SNX25: variants seen among roughly 807,000 people sequenced by gnomAD.
SNX25 encodes the protein sorting nexin-25.
A neutral mutation model predicts 113.7 loss-of-function variants in SNX25; 62 were observed. The observed-to-expected ratio is 0.55, with a 90% confidence interval of 0.44 to 0.67. SNX25 has a LOEUF of 0.67. Among genes scored for constraint, SNX25 ranks in the 30% least tolerant of loss-of-function variants. The pLI is 0.00. For synonymous variants in SNX25, 421 were observed against 436.2 expected (o/e 0.97, Z 0.43); for missense variants, 1,014 against 1,161.0 (o/e 0.87, Z 1.84).
intron 9 of SNX25, among the ~76,000 whole-genome samples, chr4:185,325,460 G>A (rs763534540): frequency 1.4e-5 from 2 of 147,744 alleles, no homozygotes; most frequent in African/African-American, 2.5e-5. Flanking sequence ...TTGAACCCGC[G>A]AGGCAGAGGT....
At chr4:185,288,638 G>A (rs765109524) in intron 6 of SNX25, among the ~76,000 whole-genome samples, 5 of 151,152 alleles carry the variant, frequency 3.3e-5, no homozygotes, top group Non-Finnish European at 5.9e-5. Flanking sequence ...TATATATATT[G>A]CTCTATCTTT....
At chr4:185,221,363 T>C (rs1739815709) in intron 1 of SNX25, among the ~76,000 whole-genome samples, 2 of 152,010 alleles carry the variant, frequency 1.3e-5, no homozygotes, top group African/African-American at 4.8e-5. Flanking sequence ...TTTCTAGAGA[T>C]GGAGTCTCTC....
At chr4:185,299,405 C>T (rs1252976783) in intron 6 of SNX25, among the ~76,000 whole-genome samples, 1 of 152,176 alleles carries the variant, frequency 6.6e-6, no homozygotes, top group East Asian at 1.9e-4. Flanking sequence ...AGCTATGGTG[C>T]ACGTCAGCCT....
intron 2 of SNX25, 139 bp downstream of exon 2, chr4:185,247,517 G>A (rs1745031505): frequency 7.2e-6 from 5 of 695,878 alleles, no homozygotes; most frequent in Non-Finnish European, 1.3e-5. Flanking sequence ...GTTTGTATTT[G>A]ATGACTAAAT....
chr4:185,304,088 GTAAA>G (rs1246686026), intron 6 of SNX25, among the ~76,000 whole-genome samples: 1 of 152,190 alleles, frequency 6.6e-6, no homozygotes, highest in East Asian at 1.9e-4. Context: ...TAGTCCCTAA[GTAAA>G]TATATACCTG....
At chr4:185,282,219 C>T (rs569274304) in intron 5 of SNX25, among the ~76,000 whole-genome samples, 4 of 152,132 alleles carry the variant, frequency 2.6e-5, no homozygotes, top group African/African-American at 7.2e-5. Context: ...TGGAGTGCAA[C>T]GGCGGAATCT....
chr4:185,360,626 C>A (rs1183566559), intron 16 of SNX25, among the ~76,000 whole-genome samples: 1 of 152,106 alleles, frequency 6.6e-6, no homozygotes, highest in Non-Finnish European at 1.5e-5. Context: ...AGTCTCTTGA[C>A]AGCAGAGGAC....
At position 185,346,585 on chromosome 4, in the gene SNX25, C is replaced by T; in HGVS notation, c.2236C>T (p.Pro746Ser). 6.3e-7 allele frequency: 1 copy of T among 1,596,712 alleles called. No individual in the cohort carries two copies. Among genetic ancestry groups the T allele is most frequent in the Non-Finnish European group, 8.5e-7 (1 of 1,175,264 alleles). Residue 746 changes from proline (P) to serine (S), a missense_variant, in exon 13 of 19, where the codon CCT (proline) becomes TCT (serine). Physicochemically the swap from Pro to Ser is moderately conservative, Grantham distance 74 (BLOSUM62 -1). Transcript: ENST00000652585. ...CCAGTTGCCTTCTCTTAGCAAGCTG[C>T]CTTTCAAATCTATAGATCAAAAGTT... ...KVQLPSLSKL[P>S]FKSIDQKFME...
chr4:185,254,728 C>T (rs1393646556), intron 2 of SNX25, among the ~76,000 whole-genome samples: 3 of 152,174 alleles, frequency 2.0e-5, no homozygotes, highest in Admixed American at 2.0e-4. Context: ...TTACTTCATT[C>T]TCTCTCATCT....
chr4:185,285,706 T>C (rs376004835), intron 5 of SNX25, among the ~76,000 whole-genome samples: 7 of 152,322 alleles, frequency 4.6e-5, no homozygotes, highest in African/African-American at 1.7e-4. Flanking sequence ...GCTGTTTTGA[T>C]GGTTCATGAT....
At chr4:185,276,639 CA>C in intron 5 of SNX25, among the ~76,000 whole-genome samples, 1 of 152,266 alleles carries the variant, frequency 6.6e-6, no homozygotes, top group East Asian at 1.9e-4. Flanking sequence ...GTTTGAGCAA[CA>C]GCCTGGGCAA....
At chr4:185,231,376 G>A (rs1741835379) in intron 1 of SNX25, among the ~76,000 whole-genome samples, 1 of 151,676 alleles carries the variant, frequency 6.6e-6, no homozygotes. Flanking sequence ...TGGGATTACA[G>A]GCATGAGCCA....
At chr4:185,270,839 TG>T (rs1244839869) in intron 5 of SNX25, among the ~76,000 whole-genome samples, 6 of 152,224 alleles carry the variant, frequency 3.9e-5, no homozygotes, top group Non-Finnish European at 8.8e-5. Flanking sequence ...TCATTTGCAT[TG>T]TATAATGTAT....
intron 2 of SNX25, among the ~76,000 whole-genome samples, chr4:185,252,043 A>G (rs917728061): frequency 1.3e-5 from 2 of 151,968 alleles, no homozygotes; most frequent in Non-Finnish European, 2.9e-5. Flanking sequence ...GTTTTCAGGG[A>G]AAAGCTGCTG....
chr4:185,327,208 A>AGGCTCTC (rs2095162886), intron 9 of SNX25, among the ~76,000 whole-genome samples: 2 of 152,324 alleles, frequency 1.3e-5, no homozygotes, highest in South Asian at 4.1e-4. Flanking sequence ...TTAATTATGT[A>AGGCTCTC]CTAGGTGGAG....
At chr4:185,250,553 G>C (rs1745486359) in intron 2 of SNX25, among the ~76,000 whole-genome samples, 2 of 152,176 alleles carry the variant, frequency 1.3e-5, no homozygotes, top group South Asian at 4.1e-4. Context: ...TTTACTGCCT[G>C]TACCTCTAAG....
chr4:185,374,929 G>C (rs560603172), downstream of SNX25, among the ~76,000 whole-genome samples: 1 of 152,198 alleles, frequency 6.6e-6, no homozygotes, highest in African/African-American at 2.4e-5. Context: ...TGTGCTCATA[G>C]TTTGTATCTA....
chr4:185,308,667 GGATATAGCAGTGTATACATA>G (rs1754826414), intron 6 of SNX25, among the ~76,000 whole-genome samples: 1 of 152,136 alleles, frequency 6.6e-6, no homozygotes, highest in Non-Finnish European at 1.5e-5. Flanking sequence ...TAGGTGCTGG[GGATATAGCAGTGTATACATA>G]GATAAACACC....
At chr4:185,376,966 T>C in the SNX25 span, 2 of 1,614,000 alleles carry the variant, frequency 1.2e-6, no homozygotes, top group Non-Finnish European at 1.7e-6. Context: ...CTTTCAGTAT[T>C]CTTTCCTTCA....
Sources: gnomAD v4.1 joint callset for allele counts (sites outside exome capture counted in the v4.1 genomes callset) on GRCh38, gnomAD v4.1.1 for gene constraint, MANE v1.5 for transcripts, NCBI Gene and HGNC (gene_info 2026-07-23, HGNC 2026-07-21) for gene names.